C7orf78: variants seen among roughly 807,000 people sequenced by gnomAD.
C7orf78 encodes putative uncharacterized protein C7orf78.
the C7orf78 span, among the ~76,000 whole-genome samples, chr7:12,515,479 A>G: frequency 2.0e-5 from 3 of 152,168 alleles, no homozygotes; most frequent in African/African-American, 4.8e-5. Flanking sequence ...AAATGGACCA[A>G]TACACTAAAT....
At chr7:12,530,897 G>C in the C7orf78 span, 3 of 394,080 alleles carry the variant, frequency 7.6e-6, no homozygotes, top group Middle Eastern at 6.3e-4. Context: ...ATGTGAATCT[G>C]GAATACAGAT....
chr7:12,538,859 ATCAAATGC>A, the C7orf78 span, among the ~76,000 whole-genome samples: 44 of 152,142 alleles, frequency 2.9e-4, no homozygotes, highest in Admixed American at 1.2e-3. Context: ...ATGCTCTATG[ATCAAATGC>A]TCATCCTTAA....
the C7orf78 span, chr7:12,541,403 G>A: frequency 3.3e-5 from 5 of 152,158 alleles, no homozygotes; most frequent in Admixed American, 6.5e-5. Flanking sequence ...CTGTTATGCT[G>A]TGTGGGAAAG....
At chr7:12,526,078 A>G in the C7orf78 span, among the ~76,000 whole-genome samples, 1 of 152,126 alleles carries the variant, frequency 6.6e-6, no homozygotes, top group Admixed American at 6.6e-5. Context: ...CTTTTCTACC[A>G]CAACTGTTAC....
At chr7:12,541,959 T>A in the C7orf78 span, 1 of 152,224 alleles carries the variant, frequency 6.6e-6, no homozygotes, top group Non-Finnish European at 1.5e-5. Context: ...GGTCTGTCTT[T>A]TAACATGTTA....
At chr7:12,489,169 T>A in the C7orf78 span, among the ~76,000 whole-genome samples, 4 of 152,154 alleles carry the variant, frequency 2.6e-5, no homozygotes, top group East Asian at 7.7e-4. Context: ...GCAAGGGACA[T>A]CTGTCATGAA....
the C7orf78 span, among the ~76,000 whole-genome samples, chr7:12,502,901 C>G: frequency 6.7e-6 from 1 of 150,084 alleles, no homozygotes; most frequent in Admixed American, 6.6e-5. Flanking sequence ...TACTATGCAG[C>G]CATAAAAAAT....
At chr7:12,503,295 G>A in the C7orf78 span, among the ~76,000 whole-genome samples, 1 of 151,922 alleles carries the variant, frequency 6.6e-6, no homozygotes, top group East Asian at 1.9e-4. Flanking sequence ...GGATTTATGA[G>A]ATAATTGGAA....
At chr7:12,529,398 GTAATGCTACATACTTTT>G in the C7orf78 span, among the ~76,000 whole-genome samples, 12 of 152,164 alleles carry the variant, frequency 7.9e-5, no homozygotes, top group African/African-American at 2.9e-4. Flanking sequence ...ATGTCGGTTA[GTAATGCTACATACTTTT>G]TATGGTTATT....
chr7:12,539,756 TC>T, the C7orf78 span, among the ~76,000 whole-genome samples: 1 of 152,174 alleles, frequency 6.6e-6, no homozygotes, highest in Non-Finnish European at 1.5e-5. Context: ...CAAATCCATC[TC>T]TCTAACTGAC....
At chr7:12,541,928 A>C in the C7orf78 span, 64 of 152,354 alleles carry the variant, frequency 4.2e-4, no homozygotes, top group African/African-American at 1.5e-3. Context: ...TGGAGAATTT[A>C]TAGTTCCAAC....
the C7orf78 span, chr7:12,496,534 C>T: frequency 6.6e-6 from 1 of 152,192 alleles, no homozygotes; most frequent in Non-Finnish European, 1.5e-5. Context: ...TCTTTGGAGA[C>T]ATTCTCAAGC....
chr7:12,523,475 C>A, the C7orf78 span: 1 of 397,404 alleles, frequency 2.5e-6, no homozygotes, highest in Non-Finnish European at 4.4e-6. Flanking sequence ...ATAAGGGGAA[C>A]TATGTATTAT....
At chr7:12,524,310 T>A in the C7orf78 span, among the ~76,000 whole-genome samples, 5 of 152,202 alleles carry the variant, frequency 3.3e-5, no homozygotes, top group Non-Finnish European at 4.4e-5. Flanking sequence ...TGTTGAGGTA[T>A]TCGATGAATG....
the C7orf78 span, among the ~76,000 whole-genome samples, chr7:12,489,170 C>A: frequency 6.6e-6 from 1 of 151,948 alleles, no homozygotes; most frequent in Non-Finnish European, 1.5e-5. Context: ...CAAGGGACAT[C>A]TGTCATGAAA....
At chr7:12,538,008 G>T in the C7orf78 span, among the ~76,000 whole-genome samples, 1 of 152,036 alleles carries the variant, frequency 6.6e-6, no homozygotes, top group African/African-American at 2.4e-5. Context: ...GGCTTCCTTT[G>T]GTTTGAAGGA....
chr7:12,528,252 C>A, the C7orf78 span, among the ~76,000 whole-genome samples: 1 of 151,422 alleles, frequency 6.6e-6, no homozygotes, highest in Non-Finnish European at 1.5e-5. Flanking sequence ...AAAATGCCAT[C>A]TAGCTGTGTA....
chr7:12,516,241 G>A, the C7orf78 span, among the ~76,000 whole-genome samples: 1 of 152,236 alleles, frequency 6.6e-6, no homozygotes, highest in Non-Finnish European at 1.5e-5. Context: ...GGCCAATGTA[G>A]AGCTTGGGCA....
chr7:12,498,293 G>A, the C7orf78 span, among the ~76,000 whole-genome samples: 7 of 151,838 alleles, frequency 4.6e-5, no homozygotes, highest in Admixed American at 3.9e-4. Context: ...TCTGAGCTAC[G>A]GGTGGACATT....
Sources: allele counts gnomAD v4.1 joint callset (sites outside exome capture counted in the v4.1 genomes callset), GRCh38; gene constraint gnomAD v4.1.1; transcripts MANE v1.5; gene names NCBI Gene and HGNC (gene_info 2026-07-23, HGNC 2026-07-21).